PPP4R2: variants seen among roughly 807,000 people sequenced by gnomAD.
PPP4R2 encodes the protein protein phosphatase 4 regulatory subunit 2.
PPP4R2 carries 13 observed loss-of-function variants against 47.2 expected under a neutral mutation model. That is an observed-to-expected ratio of 0.28 (90% CI 0.18 to 0.44). The LOEUF is 0.44. Ranked by LOEUF, PPP4R2 falls within the 20% of genes least tolerant of loss-of-function variation. The pLI, the probability that PPP4R2 is intolerant of heterozygous loss-of-function variation, is 1.00. For synonymous variants in PPP4R2, 151 were observed against 163.3 expected (o/e 0.92, Z 0.57); for missense variants, 421 against 491.2 (o/e 0.86, Z 1.35).
At chr3:73,016,962 G>A (rs1701853231) in intron 2 of PPP4R2, among the ~76,000 whole-genome samples, 1 of 151,670 alleles carries the variant, frequency 6.6e-6, no homozygotes, top group Non-Finnish European at 1.5e-5. Context: ...GAGTAGCTGG[G>A]ATTACAGGCA....
chr3:73,019,184 G>A (rs1291223054), intron 2 of PPP4R2, among the ~76,000 whole-genome samples: 1 of 152,122 alleles, frequency 6.6e-6, no homozygotes, highest in Non-Finnish European at 1.5e-5. Flanking sequence ...GGAGCAATAA[G>A]CCATATACCA....
At chr3:73,028,588 G>A (rs1038451316) in intron 2 of PPP4R2, among the ~76,000 whole-genome samples, 8 of 152,052 alleles carry the variant, frequency 5.3e-5, no homozygotes, top group South Asian at 4.2e-4. Flanking sequence ...CTACAGATGC[G>A]CGCCACCATG....
chr3:73,031,409 G>A (rs1320208931), intron 2 of PPP4R2, among the ~76,000 whole-genome samples: 1 of 152,016 alleles, frequency 6.6e-6, no homozygotes, highest in Middle Eastern at 3.2e-3. Context: ...TGGACATGGT[G>A]GCATGCACCT....
intron 2 of PPP4R2, among the ~76,000 whole-genome samples, chr3:73,046,056 T>C (rs1364328192): frequency 6.6e-6 from 1 of 152,212 alleles, no homozygotes; most frequent in Non-Finnish European, 1.5e-5. Flanking sequence ...TTTTACACTT[T>C]AAGTGGAACA....
At chr3:73,010,563 TC>T (rs1311715557) in intron 2 of PPP4R2, among the ~76,000 whole-genome samples, 2 of 108,616 alleles carry the variant, frequency 1.8e-5, no homozygotes, top group Admixed American at 8.3e-5. Context: ...TCTCTCGCTC[TC>T]TTTTTTTTTT....
intron 2 of PPP4R2, among the ~76,000 whole-genome samples, chr3:73,007,611 C>T (rs1701638622): frequency 6.6e-6 from 1 of 152,018 alleles, no homozygotes; most frequent in Non-Finnish European, 1.5e-5. Flanking sequence ...GCCTCAGCCT[C>T]CCAAGTAGCT....
At chr3:73,040,412 A>G (rs991365938) in intron 2 of PPP4R2, among the ~76,000 whole-genome samples, 2 of 152,160 alleles carry the variant, frequency 1.3e-5, no homozygotes, top group Non-Finnish European at 2.9e-5. Flanking sequence ...CTCAGGTGAT[A>G]AATAGATGCC....
intron 2 of PPP4R2, among the ~76,000 whole-genome samples, chr3:73,002,637 T>TTTTTTC (rs1701499153): frequency 1.3e-5 from 1 of 74,580 alleles, no homozygotes; most frequent in Non-Finnish European, 2.7e-5. Flanking sequence ...TTCTTTTCTT[T>TTTTTTC]TTTTTTTTTT....
chr3:73,043,601 C>T (rs1370307227), intron 2 of PPP4R2, among the ~76,000 whole-genome samples: 2 of 152,164 alleles, frequency 1.3e-5, no homozygotes, highest in Non-Finnish European at 2.9e-5. Context: ...ACCCAGCACT[C>T]GTTCATTATT....
At position 73,065,111 on chromosome 3, in the gene PPP4R2, G is replaced by A. The variant is rs1346874549; in HGVS notation, c.898G>A (p.Asp300Asn). Reference sequence around the variant, plus strand: ...TACCCGGCAGCACTGTACAGAAGAGGATGAAGAAGAGGATGAAGAGGAAGA... The same window carrying A: ...TACCCGGCAGCACTGTACAGAAGAGAATGAAGAAGAGGATGAAGAGGAAGA... Reference protein sequence around the residue: ...RCTRQHCTEEDEEEDEEEEEE... With the variant: ...RCTRQHCTEENEEEDEEEEEE... Residue 300 changes from aspartate (D) to asparagine (N), a missense_variant, in exon 8 of 9, where the codon GAT becomes AAT. By Grantham distance (23) the Asp-to-Asn change is conservative (BLOSUM62 1). Coordinates refer to ENST00000356692, the MANE Select transcript of PPP4R2 (RefSeq NM_174907.4). The A allele has an allele frequency of 6.2e-7, 1 of 1,610,688 alleles. No individual in the cohort carries two copies. Among genetic ancestry groups the A allele is most frequent in the Non-Finnish European group, 8.5e-7 (1 of 1,179,304 alleles).
At chr3:73,054,555 A>G (rs917473997) in intron 3 of PPP4R2, among the ~76,000 whole-genome samples, 3 of 152,220 alleles carry the variant, frequency 2.0e-5, no homozygotes, top group African/African-American at 7.2e-5. Context: ...TCATTTAGTC[A>G]GAAAAGACAG....
At chr3:73,020,546 T>C (rs1273768343) in intron 2 of PPP4R2, among the ~76,000 whole-genome samples, 1 of 151,578 alleles carries the variant, frequency 6.6e-6, no homozygotes, top group African/African-American at 2.4e-5. Flanking sequence ...GGTGTGTGCC[T>C]GTAGTCTCAG....
chr3:73,034,028 T>C (rs1702217896), intron 2 of PPP4R2, among the ~76,000 whole-genome samples: 1 of 152,256 alleles, frequency 6.6e-6, no homozygotes, highest in African/African-American at 2.4e-5. Flanking sequence ...GCAGTGCCCA[T>C]TGGTCCCAGT....
In PPP4R2 at chr3:72,997,091, C is replaced by G; in HGVS notation, c.34+20C>G. The G allele has an allele frequency of 7.3e-7, 1 of 1,372,318 alleles. No homozygotes were observed. The highest frequency in any genetic ancestry group is 1.7e-5 in the South Asian group (1 of 57,720). 85.0% of individuals were successfully genotyped at this position (1,372,318 alleles called of 1,614,324 possible). A position where few individuals can be genotyped will look rare whatever the true frequency, so the allele number is the denominator to read the frequency against. ...TGAAAGGTGGGGGTAGCTGCCCCCT[C>G]TCCATTCCCCCTCACCTTCTCCGGC... On this transcript the variant is annotated intron_variant, in intron 1 of 8. Coordinates refer to ENST00000356692, the MANE Select transcript of PPP4R2 (RefSeq NM_174907.4).
chr3:73,010,478 T>C (rs1701700046), intron 2 of PPP4R2, among the ~76,000 whole-genome samples: 1 of 152,164 alleles, frequency 6.6e-6, no homozygotes, highest in Non-Finnish European at 1.5e-5. Flanking sequence ...GTCTCTATGC[T>C]TGTAATTTGT....
At position 73,067,531 on chromosome 3, in the gene PPP4R2, G is replaced by C. The variant is rs1703025436; in HGVS notation, c.*1809G>C. On this transcript the variant is annotated 3_prime_UTR_variant, in exon 9 of 9. Transcript: ENST00000356692. ...AATATTGATTTACTATACCCAAGAG[G>C]GGAGAAAAATTAACCATTGTAAATT... The C allele has an allele frequency of 6.6e-6, 1 of 151,792 alleles. No individual in the cohort carries two copies. 9.4% of individuals were successfully genotyped at this position (151,792 alleles called of 1,614,324 possible).
chr3:73,017,591 T>C (rs144318664), intron 2 of PPP4R2, among the ~76,000 whole-genome samples: 2 of 152,340 alleles, frequency 1.3e-5, no homozygotes, highest in South Asian at 2.1e-4. Flanking sequence ...TTCTGTCATC[T>C]TTCAGAATTA....
intron 2 of PPP4R2, among the ~76,000 whole-genome samples, chr3:73,011,460 G>A (rs539505180): frequency 5.3e-4 from 81 of 152,038 alleles, no homozygotes; most frequent in African/African-American, 1.8e-3. Flanking sequence ...CAGCTTGGGC[G>A]AAAGGGTGAG....
At chr3:73,041,775 T>C (rs952278027) in intron 2 of PPP4R2, among the ~76,000 whole-genome samples, 2 of 152,236 alleles carry the variant, frequency 1.3e-5, no homozygotes, top group Admixed American at 6.5e-5. Context: ...TACGTTAAGG[T>C]GGTTGGCCGC....
Sources: allele counts gnomAD v4.1 joint callset (sites outside exome capture counted in the v4.1 genomes callset), GRCh38; gene constraint gnomAD v4.1.1; transcripts MANE v1.5; gene names NCBI Gene and HGNC (gene_info 2026-07-23, HGNC 2026-07-21).